The following METTL16 variants were observed in gnomAD, a reference collection of about 807,000 sequenced individuals.
The protein encoded by METTL16 is methyltransferase 16, RNA N6-adenosine.
A neutral mutation model predicts 57.9 loss-of-function variants in METTL16; 19 were observed. That is an observed-to-expected ratio of 0.33 (90% CI 0.23 to 0.48). The LOEUF is 0.48. METTL16 is among the 20% of genes least tolerant of loss of function. The pLI, the probability that METTL16 is intolerant of heterozygous loss-of-function variation, is 0.99. For synonymous variants in METTL16, 246 were observed against 255.6 expected (o/e 0.96, Z 0.36); for missense variants, 434 against 691.5 (o/e 0.63, Z 4.18).
chr17:2,439,742 C>T (rs956096372), intron 7 of METTL16, among the ~76,000 whole-genome samples: 2 of 152,040 alleles, frequency 1.3e-5, no homozygotes, highest in African/African-American at 4.8e-5. Flanking sequence ...TGTTTTTCTC[C>T]ACCTTTCTCT....
At chr17:2,445,845 T>A (rs1244652021) in intron 6 of METTL16, among the ~76,000 whole-genome samples, 1 of 151,530 alleles carries the variant, frequency 6.6e-6, no homozygotes, top group East Asian at 1.9e-4. Flanking sequence ...AAAAAAGGCT[T>A]TAAAATCCTT....
chr17:2,446,635 T>TTCCACGGTCTCCC (rs2066998062), intron 6 of METTL16, among the ~76,000 whole-genome samples: 1 of 146,280 alleles, frequency 6.8e-6, no homozygotes, highest in African/African-American at 2.7e-5. Context: ...CACGGTCTCC[T>TTCCACGGTCTCCC]TCCACGGTCT....
intron 4 of METTL16, among the ~76,000 whole-genome samples, chr17:2,468,930 T>G (rs1436140256): frequency 1.3e-5 from 2 of 151,764 alleles, no homozygotes; most frequent in African/African-American, 2.4e-5. Flanking sequence ...TGTGTGTGTT[T>G]TTTTTTTCTA....
chr17:2,456,813 T>C (rs1174277927), intron 6 of METTL16, among the ~76,000 whole-genome samples: 3 of 151,950 alleles, frequency 2.0e-5, no homozygotes, highest in Admixed American at 6.6e-5. Context: ...TTTTAAGACA[T>C]AGTTTCACTC....
chr17:2,445,638 TAGAC>T (rs1398166803), intron 6 of METTL16, among the ~76,000 whole-genome samples: 8 of 151,694 alleles, frequency 5.3e-5, no homozygotes, highest in Non-Finnish European at 1.0e-4. Context: ...ATACAAAAAT[TAGAC>T]AGGTGTGGTG....
intron 6 of METTL16, among the ~76,000 whole-genome samples, chr17:2,450,656 A>T (rs1166919830): frequency 6.6e-6 from 1 of 152,210 alleles, no homozygotes; most frequent in Non-Finnish European, 1.5e-5. Context: ...AACGTTTTAC[A>T]TGTTTCCTTC....
chr17:2,488,011 A>G (rs956203925), intron 2 of METTL16, among the ~76,000 whole-genome samples: 5 of 151,968 alleles, frequency 3.3e-5, no homozygotes, highest in African/African-American at 1.2e-4. Context: ...TCTCAAATAA[A>G]ATAAAATAAA....
chr17:2,420,203 C>G lies in METTL16; in HGVS notation c.1456G>C (p.Gly486Arg). The G allele has an allele frequency of 6.2e-7, 1 of 1,614,224 alleles. No homozygotes were observed. Among genetic ancestry groups the G allele is most frequent in the Non-Finnish European group, 8.5e-7 (1 of 1,180,036 alleles). Residue 486 changes from glycine to arginine, a missense_variant, in exon 10 of 10, where the codon GGA (glycine) becomes CGA (arginine). Physicochemically the swap from Gly to Arg is moderately radical, Grantham distance 125. Around this residue, in one of 5 missense-constraint regions of METTL16, gnomAD observed 168 missense variants for 149.6 expected, o/e 1.12. Transcript: ENST00000263092. The surrounding 1 kb of genome is among the most constrained non-coding windows in gnomAD (Gnocchi z 5.4). ...VLESCQGSSN[G>R]AQDQEASEQF... is the part of the protein sequence containing the mutation. ...TCAGAAGCCTCTTGGTCCTGGGCTC[C>G]GTTGCTAGAGCCTTGACAACTTTCC...
intron 5 of METTL16, among the ~76,000 whole-genome samples, chr17:2,466,800 TTTTC>T (rs1054961659): frequency 3.9e-4 from 59 of 152,204 alleles, no homozygotes; most frequent in Admixed American, 1.2e-3. Flanking sequence ...TTTTTTTTTG[TTTTC>T]TTTTTTTCCC....
intron 8 of METTL16, among the ~76,000 whole-genome samples, chr17:2,429,005 T>C (rs1368978915): frequency 6.6e-6 from 1 of 151,508 alleles, no homozygotes; most frequent in East Asian, 1.9e-4. Context: ...ACTACAGGTA[T>C]GCGCCACCAG....
At chr17:2,461,941 G>A (rs2067152828) in intron 6 of METTL16, among the ~76,000 whole-genome samples, 1 of 152,018 alleles carries the variant, frequency 6.6e-6, no homozygotes, top group South Asian at 2.1e-4. Context: ...CAGAAAAGAG[G>A]ACAATACCGT....
rs1008715079 is a variant in METTL16 at position 2,452,101 on chromosome 17, C to T, written c.729-10542G>A. Among the ~76,000 whole-genome samples, 5 of 143,462 alleles carry T rather than the reference C, an allele frequency of 3.5e-5. No homozygotes were observed. The East Asian group carries it at 8.1e-4, about 23-fold the overall frequency. 94.1% of individuals were successfully genotyped at this position (143,462 alleles called of 152,430 possible). On this transcript the variant is annotated intron_variant, in intron 6 of 9. Transcript: ENST00000263092. The stretch of plus-strand genomic sequence containing the variant: ...GCAGTGAGCAGTGATTGCACCACTG[C>T]ACCCCAGCCTGGATGACAGAGCAAG...
chr17:2,481,178 C>A (rs1029793477), intron 2 of METTL16, among the ~76,000 whole-genome samples: 2 of 150,112 alleles, frequency 1.3e-5, no homozygotes, highest in Admixed American at 6.7e-5. Flanking sequence ...ACCGCACTCC[C>A]GTACGGATGA....
chr17:2,500,578 G>A (rs570773041), intron 2 of METTL16, among the ~76,000 whole-genome samples: 1 of 151,936 alleles, frequency 6.6e-6, no homozygotes, highest in East Asian at 1.9e-4. Context: ...CACCGCGCCC[G>A]GCCACTATTA....
At position 2,416,442 on chromosome 17, in the gene METTL16, T is replaced by G. The variant is rs567849766; in HGVS notation, c.*3528A>C. 2 of 152,180 alleles carry G rather than the reference T, an allele frequency of 1.3e-5. No individual in the cohort carries two copies. The highest frequency in any genetic ancestry group is 2.9e-5 in the Non-Finnish European group (2 of 68,036). 9.4% of individuals were successfully genotyped at this position (152,180 alleles called of 1,614,324 possible). On this transcript the variant is annotated 3_prime_UTR_variant, in exon 10 of 10. Transcript: ENST00000263092. The stretch of plus-strand genomic sequence containing the variant: ...ATTTCCATCGAGAGGAAAGGCTTTA[T>G]GTTTTATAAAAAATATATACTAAAG...
chr17:2,484,263 C>T (rs1322707975), intron 2 of METTL16, among the ~76,000 whole-genome samples: 1 of 152,104 alleles, frequency 6.6e-6, no homozygotes, highest in Non-Finnish European at 1.5e-5. Context: ...TGGTACTACT[C>T]AAAATGCCAG....
chr17:2,473,714 T>G, intron 3 of METTL16, 50 bp from the exon 4 acceptor site: 1 of 1,563,002 alleles, frequency 6.4e-7, no homozygotes, highest in Non-Finnish European at 8.7e-7. Flanking sequence ...AGGGAAAGGT[T>G]ACAATAATCA....
chr17:2,503,470 A>C (rs2067505285), intron 1 of METTL16, among the ~76,000 whole-genome samples: 2 of 152,184 alleles, frequency 1.3e-5, no homozygotes, highest in Admixed American at 1.3e-4. Context: ...CATACAATAA[A>C]TATGGGTCAA....
chr17:2,450,901 T>C (rs939838352), intron 6 of METTL16, among the ~76,000 whole-genome samples: 1 of 152,164 alleles, frequency 6.6e-6, no homozygotes, highest in Non-Finnish European at 1.5e-5. Flanking sequence ...TTTCAAGAAT[T>C]TAAATTCTAA....
Sources: gnomAD v4.1 joint callset for allele counts (sites outside exome capture counted in the v4.1 genomes callset) on GRCh38, gnomAD v4.1.1 for gene constraint, gnomAD v4.1.1 regional missense constraint, Gnocchi (gnomAD v3.1) non-coding constraint, MANE v1.5 for transcripts, NCBI Gene and HGNC (gene_info 2026-07-23, HGNC 2026-07-21) for gene names.